WDR93: variants seen among roughly 807,000 people sequenced by gnomAD.
WDR93 encodes the protein WD repeat domain 93, also known as WD repeat-containing protein 93.
A neutral mutation model predicts 82.9 loss-of-function variants in WDR93; 73 were observed. That is an observed-to-expected ratio of 0.88 (90% CI 0.73 to 1.07). The LOEUF (loss-of-function observed/expected upper bound fraction) is 1.07. WDR93 is among the 50% of genes least tolerant of loss of function. WDR93 has a pLI of 0.00. For missense variants in WDR93, 738 were observed against 826.0 expected (o/e 0.89, Z 1.31); for synonymous variants, 283 against 300.1 (o/e 0.94, Z 0.59).
chr15:89,713,355 A>G (rs954590481), intron 5 of WDR93, among the ~76,000 whole-genome samples: 1 of 152,176 alleles, frequency 6.6e-6, no homozygotes, highest in Admixed American at 6.6e-5. Flanking sequence ...ATTTTATTCA[A>G]ATGCTTGTTG....
At chr15:89,707,610 GA>G (rs143942833) in intron 4 of WDR93, among the ~76,000 whole-genome samples, 1 of 151,480 alleles carries the variant, frequency 6.6e-6, no homozygotes, top group African/African-American at 2.4e-5. Context: ...AAACAACAAA[GA>G]AAAAAAGGAA....
chr15:89,724,649 A>AG (rs1312827553), intron 8 of WDR93, among the ~76,000 whole-genome samples: 7 of 152,244 alleles, frequency 4.6e-5, no homozygotes, highest in Non-Finnish European at 1.0e-4. Context: ...AACATGCAAG[A>AG]GTATTGCACA....
chr15:89,725,825 G>A (rs1297458617), intron 8 of WDR93, among the ~76,000 whole-genome samples: 2 of 152,154 alleles, frequency 1.3e-5, no homozygotes, highest in Non-Finnish European at 2.9e-5. Context: ...GCCTTCCAAA[G>A]TGCTGGGATT....
chr15:89,713,989 G>C (rs1042419660), intron 5 of WDR93, among the ~76,000 whole-genome samples: 2 of 152,172 alleles, frequency 1.3e-5, no homozygotes, highest in African/African-American at 4.8e-5. Flanking sequence ...CATACCATGG[G>C]AGAACAACCT....
In WDR93 at chr15:89,738,131, A is replaced by G; in HGVS notation, c.1856A>G (p.Glu619Gly). Residue 619 changes from glutamate to glycine, a missense_variant, in exon 16 of 17, where the codon GAA becomes GGA. By Grantham distance (98) the Glu-to-Gly change is moderately conservative. Transcript: ENST00000268130. ...AATTTTGAGGCCTGCCCACTCCTGG[A>G]AAATATCTCAAAAAATTGTACCATT... ...YFNFEACPLLENISKNCTIPQ... is the reference protein window; with the variant it reads ...YFNFEACPLLGNISKNCTIPQ... 1.9e-6 allele frequency: 3 copies of G among 1,614,188 alleles called. No individual in the cohort carries two copies. In the South Asian group the frequency reaches 3.3e-5, roughly 18 times the overall value.
At chr15:89,718,537 T>C (rs1483086227) in intron 7 of WDR93, among the ~76,000 whole-genome samples, 1 of 151,006 alleles carries the variant, frequency 6.6e-6, no homozygotes, top group Non-Finnish European at 1.5e-5. Flanking sequence ...CTGAGGTGGG[T>C]GGATGGCTTG....
intron 1 of WDR93, among the ~76,000 whole-genome samples, chr15:89,694,356 C>T (rs111755616): frequency 0.12 from 17,959 of 150,962 alleles, 1,669 homozygotes; most frequent in African/African-American, 0.26. Context: ...TGCCTCAGCC[C>T]CCCGAGTAGC....
chr15:89,721,787 A>G (rs1008795841), intron 7 of WDR93, among the ~76,000 whole-genome samples: 1 of 151,904 alleles, frequency 6.6e-6, no homozygotes, highest in Admixed American at 6.6e-5. Flanking sequence ...CATGCCCAGT[A>G]AGGGTCTAGC....
chr15:89,698,004 C>T (rs1040086178), intron 1 of WDR93, among the ~76,000 whole-genome samples: 3 of 151,614 alleles, frequency 2.0e-5, no homozygotes, highest in Non-Finnish European at 4.4e-5. Context: ...CTCAGCCTCC[C>T]AAGTAGCTGG....
Position 89,737,729 on chromosome 15 carries a change from G to C in WDR93, c.1765G>C (p.Gly589Arg). The C allele has an allele frequency of 6.2e-7, 1 of 1,614,164 alleles. No individual in the cohort carries two copies. The highest frequency in any genetic ancestry group is 8.5e-7 in the Non-Finnish European group (1 of 1,180,020). The part of the protein sequence containing the change: ...SPDHPCFLLR[G>R]DYSHETASTD... ...AGACCATCCATGTTTCCTGCTCCGA[G>C]GTACAGAAAGGGACCAGGGCTGATG... Residue 589 changes from glycine (G) to arginine (R), a missense_variant and splice_region_variant, in exon 15 of 17, where the codon GGA (glycine) becomes CGA (arginine). Gly to Arg is a moderately radical substitution (Grantham distance 125). Transcript: ENST00000268130.
chr15:89,708,165 G>A (rs1965805305), intron 4 of WDR93, among the ~76,000 whole-genome samples: 1 of 152,158 alleles, frequency 6.6e-6, no homozygotes, highest in Non-Finnish European at 1.5e-5. Flanking sequence ...TGGAGGTGAT[G>A]GATATGTTCA....
Position 89,738,234 on chromosome 15 carries a change from G to A in WDR93, c.1959G>A (p.Lys653=). Reference sequence around the variant, plus strand: ...AGAGATGTGAGCGTTTCCTCCAGAAGAGGTAAAGAGCTCTGTGTCTTCACC... The same window carrying A: ...AGAGATGTGAGCGTTTCCTCCAGAAAAGGTAAAGAGCTCTGTGTCTTCACC... ...LEKRCERFLQ[K]SYRKLEKNPE... Residue 653 remains lysine, a splice_region_variant and synonymous_variant, in exon 16 of 17, where the codon AAG becomes AAA. Transcript: ENST00000268130. 1 of 1,604,780 alleles carries A rather than the reference G, an allele frequency of 6.2e-7. No homozygotes were observed. The highest frequency in any genetic ancestry group is 1.1e-5 in the South Asian group (1 of 89,732).
At chr15:89,739,303 G>T (rs915062882) in intron 16 of WDR93, among the ~76,000 whole-genome samples, 2 of 152,168 alleles carry the variant, frequency 1.3e-5, no homozygotes, top group Admixed American at 6.5e-5. Flanking sequence ...AGGATTGAAG[G>T]CTGCGAAGGA....
upstream of WDR93, chr15:89,690,587 G>C: frequency 1.3e-6 from 2 of 1,551,296 alleles, no homozygotes; most frequent in Non-Finnish European, 1.7e-6. Context: ...CTGAAGAGTC[G>C]GTCCCGGCCC....
intron 1 of WDR93, among the ~76,000 whole-genome samples, chr15:89,696,749 C>A (rs1219624156): frequency 1.3e-5 from 2 of 152,128 alleles, no homozygotes; most frequent in East Asian, 3.9e-4. Flanking sequence ...CCTGCCTTGG[C>A]CTCCCAAAGT....
intron 2 of WDR93, among the ~76,000 whole-genome samples, chr15:89,702,597 T>C (rs1176168799): frequency 6.6e-6 from 1 of 152,004 alleles, no homozygotes; most frequent in African/African-American, 2.4e-5. Context: ...TGGAGTGCAA[T>C]GGTGTGATCT....
At chr15:89,697,897 T>TTTG (rs1965262459) in intron 1 of WDR93, among the ~76,000 whole-genome samples, 1 of 137,932 alleles carries the variant, frequency 7.2e-6, no homozygotes. Context: ...TTTTTTTTTT[T>TTTG]GAGACGGAGT....
At chr15:89,690,735 G>C, upstream of WDR93, 2 of 798,450 alleles carry the variant, frequency 2.5e-6, no homozygotes, top group Non-Finnish European at 4.0e-6. Context: ...ATCCGCTGAG[G>C]GGGAGGGGCT....
chr15:89,737,993 T>C (rs992350838), intron 15 of WDR93, 48 bp from the exon 16 acceptor site: 18 of 1,550,268 alleles, frequency 1.2e-5, no homozygotes, highest in African/African-American at 5.5e-5. Context: ...CAGAGCCCAC[T>C]GAGAAAGCGA....
Sources: allele counts gnomAD v4.1 joint callset (sites outside exome capture counted in the v4.1 genomes callset), GRCh38; gene constraint gnomAD v4.1.1; transcripts MANE v1.5; gene names NCBI Gene and HGNC (gene_info 2026-07-23, HGNC 2026-07-21).